Variants in RAP1GDS1 observed in about 807,000 individuals in gnomAD.
RAP1GDS1 encodes the protein RAP1, GTP-GDP dissociation stimulator 1.
RAP1GDS1 carries 35 observed loss-of-function variants against 71.1 expected under a neutral mutation model. That is an observed-to-expected ratio of 0.49 (90% CI 0.38 to 0.65). RAP1GDS1 has a LOEUF of 0.65. Ranked by LOEUF, RAP1GDS1 falls within the 30% of genes least tolerant of loss-of-function variation. RAP1GDS1 has a pLI of 0.00. For synonymous variants in RAP1GDS1, 229 were observed against 243.1 expected (o/e 0.94, Z 0.54); for missense variants, 663 against 706.1 (o/e 0.94, Z 0.69).
intron 7 of RAP1GDS1, among the ~76,000 whole-genome samples, chr4:98,411,635 A>G (rs568206578): frequency 6.6e-6 from 1 of 152,308 alleles, no homozygotes; most frequent in Non-Finnish European, 1.5e-5. Flanking sequence ...CTTTCCTTGC[A>G]GTATTTCAAA....
intron 3 of RAP1GDS1, among the ~76,000 whole-genome samples, chr4:98,344,425 G>A (rs1294796695): frequency 2.0e-5 from 3 of 152,012 alleles, no homozygotes; most frequent in Admixed American, 2.0e-4. Flanking sequence ...AGAAATCAAG[G>A]TAGAGACTCC....
chr4:98,344,705 C>T (rs1380723269), intron 3 of RAP1GDS1, among the ~76,000 whole-genome samples: 1 of 152,192 alleles, frequency 6.6e-6, no homozygotes, highest in African/African-American at 2.4e-5. Context: ...GGGCATATCA[C>T]TAACCTCCAC....
chr4:98,359,841 C>T (rs1738464486), intron 4 of RAP1GDS1, among the ~76,000 whole-genome samples: 1 of 151,976 alleles, frequency 6.6e-6, no homozygotes, highest in South Asian at 2.1e-4. Flanking sequence ...TACAGGAGGC[C>T]GGGTGTGGTG....
chr4:98,350,938 G>T (rs762225585), intron 3 of RAP1GDS1, among the ~76,000 whole-genome samples: 14 of 152,150 alleles, frequency 9.2e-5, no homozygotes, highest in Non-Finnish European at 1.9e-4. Context: ...TTAAGCTCAG[G>T]AGTTCGAGGC....
chr4:98,265,587 C>T (rs1369503830), intron 1 of RAP1GDS1, among the ~76,000 whole-genome samples: 1 of 151,920 alleles, frequency 6.6e-6, no homozygotes, highest in Non-Finnish European at 1.5e-5. Flanking sequence ...CCACAAATAT[C>T]CTGAGGTGAT....
chr4:98,381,278 T>C (rs2110108723), intron 5 of RAP1GDS1, among the ~76,000 whole-genome samples: 1 of 151,740 alleles, frequency 6.6e-6, no homozygotes, highest in Non-Finnish European at 1.5e-5. Context: ...ATCTTGAGTA[T>C]TTTTAAGAAA....
At chr4:98,329,528 G>A (rs780144427) in intron 2 of RAP1GDS1, among the ~76,000 whole-genome samples, 1 of 152,002 alleles carries the variant, frequency 6.6e-6, no homozygotes, top group East Asian at 1.9e-4. Flanking sequence ...GGTGGCTCAT[G>A]CCTGTAATCC....
intron 2 of RAP1GDS1, among the ~76,000 whole-genome samples, chr4:98,328,420 C>G (rs996837751): frequency 2.6e-5 from 4 of 152,180 alleles, no homozygotes; most frequent in African/African-American, 7.2e-5. Context: ...ACCTCCTTGT[C>G]TTGGTTTGCA....
rs1560760350 is a variant in RAP1GDS1, at chr4:98,278,125, G to C, written c.5-15283G>C. On this transcript the variant is annotated intron_variant, in intron 1 of 14. Coordinates refer to ENST00000408927, the MANE Select transcript of RAP1GDS1 (RefSeq NM_001100427.2). ...GAGGCATGAGAATCACGTGAACCCG[G>C]GAGGTGGAGATTGTAGTGAGCCAAG... is the stretch of plus-strand genomic sequence containing the variant. 2.6e-5 allele frequency among the ~76,000 whole-genome samples: 4 copies of C among 152,124 alleles called. No individual in the cohort carries two copies. In the South Asian group the frequency reaches 6.2e-4, roughly 24 times the overall value.
At chr4:98,325,830 A>G (rs1412737819) in intron 2 of RAP1GDS1, among the ~76,000 whole-genome samples, 1 of 149,366 alleles carries the variant, frequency 6.7e-6, no homozygotes, top group Non-Finnish European at 1.5e-5. Context: ...CTAGATGACG[A>G]GTTAGTGGGT....
At chr4:98,401,198 A>AT (rs1195284493) in intron 6 of RAP1GDS1, among the ~76,000 whole-genome samples, 2 of 152,218 alleles carry the variant, frequency 1.3e-5, no homozygotes, top group Non-Finnish European at 2.9e-5. Context: ...AGGAAATGAA[A>AT]TTGATTAATA....
At chr4:98,394,432 G>A (rs1308521430) in intron 6 of RAP1GDS1, among the ~76,000 whole-genome samples, 36 of 152,082 alleles carry the variant, frequency 2.4e-4, no homozygotes, top group Admixed American at 2.4e-3. Context: ...AGGAGTTACA[G>A]GAGTCTTTTT....
At chr4:98,375,145 T>G (rs946973867) in intron 4 of RAP1GDS1, among the ~76,000 whole-genome samples, 2 of 152,152 alleles carry the variant, frequency 1.3e-5, no homozygotes, top group Non-Finnish European at 2.9e-5. Flanking sequence ...CATGCCTCTC[T>G]CTGAAACCTG....
At chr4:98,428,701 C>T (rs1749967594) in intron 12 of RAP1GDS1, among the ~76,000 whole-genome samples, 1 of 152,010 alleles carries the variant, frequency 6.6e-6, no homozygotes, top group African/African-American at 2.4e-5. Flanking sequence ...TAGATGTTGG[C>T]ATGGATGCAG....
intron 12 of RAP1GDS1, among the ~76,000 whole-genome samples, chr4:98,426,205 T>C (rs1437658017): frequency 6.6e-6 from 1 of 152,098 alleles, no homozygotes; most frequent in Admixed American, 6.6e-5. Context: ...TATCAATACC[T>C]CTGGGATACA....
chr4:98,269,173 CAAAAAAAAAAA>C lies in RAP1GDS1; in HGVS notation c.4+7616_4+7626del, dbSNP rs56015226. On this transcript the variant is annotated intron_variant, in intron 1 of 14. Coordinates refer to ENST00000408927, the MANE Select transcript of RAP1GDS1 (RefSeq NM_001100427.2). Reference sequence around the variant, plus strand: ...CAAGAATTTACAGTCAATTGATCTTCAAAAAAAAAAAAAAAAAAAAAAGCCAAGGAAACACA... The same window carrying C: ...CAAGAATTTACAGTCAATTGATCTTCAAAAAAAAAAAGCCAAGGAAACACA... Among the ~76,000 whole-genome samples the C allele has an allele frequency of 1.8e-4, 10 of 56,876 alleles. No individual in the cohort carries two copies. In the South Asian group the frequency reaches 4.6e-3, roughly 26 times the overall value. The allele number at this position is 56,876 out of a possible 152,430, so 37.3% of individuals were successfully genotyped here.
At chr4:98,433,881 A>G (rs909821127) in intron 12 of RAP1GDS1, 55 bp from the exon 13 acceptor site, 34 of 1,506,888 alleles carry the variant, frequency 2.3e-5, no homozygotes, top group African/African-American at 4.2e-5. Flanking sequence ...ATTTTAATGC[A>G]TGTTCCTTAT....
intron 12 of RAP1GDS1, among the ~76,000 whole-genome samples, chr4:98,429,054 C>A (rs1418897030): frequency 6.6e-6 from 1 of 151,818 alleles, no homozygotes; most frequent in African/African-American, 2.4e-5. Flanking sequence ...GTCAGGAGAT[C>A]AAGACCATCC....
intron 6 of RAP1GDS1, among the ~76,000 whole-genome samples, chr4:98,393,836 A>T (rs1049827088): frequency 6.6e-6 from 1 of 152,204 alleles, no homozygotes; most frequent in Admixed American, 6.5e-5. Flanking sequence ...TTGACATGAT[A>T]ATTTGAATAT....
Sources: gnomAD v4.1 joint callset for allele counts (sites outside exome capture counted in the v4.1 genomes callset) on GRCh38, gnomAD v4.1.1 for gene constraint, MANE v1.5 for transcripts, NCBI Gene and HGNC (gene_info 2026-07-23, HGNC 2026-07-21) for gene names.